GTF3C5: variants seen among roughly 807,000 people sequenced by gnomAD.
GTF3C5 encodes the protein general transcription factor 3C polypeptide 5.
In GTF3C5, 47 loss-of-function variants were observed where a neutral mutation model predicts 61.0. The ratio of observed to expected loss-of-function variants is 0.77; its 90% CI spans 0.61 to 0.98. The LOEUF is 0.98. GTF3C5 is among the 50% of genes least tolerant of loss of function. The pLI is 0.00. For synonymous variants in GTF3C5, 295 were observed against 275.4 expected (o/e 1.07, Z -0.71); for missense variants, 659 against 703.3 (o/e 0.94, Z 0.71).
At position 133,031,586 on chromosome 9, in the gene GTF3C5, T is replaced by C. The variant is rs1375829192; in HGVS notation, c.153+422T>C. ...AGGCTTGTTGGAAATAAATTTTGGG[T>C]GCCGCAAAGAAGAATCAGCACTCTG... On this transcript the variant is annotated intron_variant, in intron 1 of 10. Transcript: ENST00000372097. Among the ~76,000 whole-genome samples, 3 of 152,186 alleles carry C rather than the reference T, an allele frequency of 2.0e-5. No individual in the cohort carries two copies. In the East Asian group the frequency reaches 5.8e-4, roughly 29 times the overall value.
intron 3 of GTF3C5, among the ~76,000 whole-genome samples, chr9:133,045,083 G>T (rs1588470392): frequency 6.6e-6 from 1 of 152,214 alleles, no homozygotes; most frequent in African/African-American, 2.4e-5. Flanking sequence ...TGACATAAAA[G>T]AATAGGATTT....
chr9:133,043,245 G>T (rs992408691), intron 2 of GTF3C5, among the ~76,000 whole-genome samples: 4 of 152,180 alleles, frequency 2.6e-5, no homozygotes, highest in Admixed American at 6.5e-5. Context: ...TTTCCCAAGT[G>T]ATTCATAAAA....
chr9:133,037,666 A>G (rs949747204), intron 1 of GTF3C5, among the ~76,000 whole-genome samples: 2 of 152,154 alleles, frequency 1.3e-5, no homozygotes, highest in African/African-American at 4.8e-5. Context: ...CCTAACTTTA[A>G]GTCTCTTCCT....
chr9:133,032,509 A>G (rs1336884627), intron 1 of GTF3C5, among the ~76,000 whole-genome samples: 1 of 152,088 alleles, frequency 6.6e-6, no homozygotes, highest in Non-Finnish European at 1.5e-5. Context: ...AACAAGCTGA[A>G]CCTTTGAAGA....
In GTF3C5 at chr9:133,052,128, G is replaced by A. The variant is rs757070334; in HGVS notation, c.837G>A (p.Lys279=). The A allele has an allele frequency of 1.6e-5, 26 of 1,607,056 alleles. No homozygotes were observed. The Admixed American group carries it at 3.7e-4, about 23-fold the overall frequency. The part of the protein sequence containing the change: ...VKANISVHPD[K]LKVLLPFIAY... ...CCAACATCAGCGTCCACCCAGACAA[G>A]CTCAAGGTCTTGCTTCCCTTCATAG... is the stretch of plus-strand genomic sequence containing the variant. The change falls in exon 5 of 11, where the codon AAG becomes AAA. Residue 279 remains lysine, a synonymous_variant. Coordinates refer to ENST00000372097, the MANE Select transcript of GTF3C5 (RefSeq NM_012087.4).
chr9:133,033,788 T>C (rs1849793540), intron 1 of GTF3C5, among the ~76,000 whole-genome samples: 1 of 152,194 alleles, frequency 6.6e-6, no homozygotes, highest in African/African-American at 2.4e-5. Flanking sequence ...GCGGACAGAA[T>C]ATTTAATCCA....
intron 3 of GTF3C5, 28 bp from the exon 4 acceptor site, chr9:133,050,755 T>G: frequency 6.4e-7 from 1 of 1,558,396 alleles, no homozygotes; most frequent in African/African-American, 1.4e-5. Flanking sequence ...TTGGTGCTCC[T>G]GTTCTCACCT....
intron 1 of GTF3C5, among the ~76,000 whole-genome samples, chr9:133,033,362 A>G (rs1849783195): frequency 6.6e-6 from 1 of 152,176 alleles, no homozygotes; most frequent in Non-Finnish European, 1.5e-5. Flanking sequence ...GTACCGCTCC[A>G]GTTACTTGGC....
At chr9:133,031,191 G>C in intron 1 of GTF3C5, 27 bp downstream of exon 1, 3 of 1,532,392 alleles carry the variant, frequency 2.0e-6, no homozygotes, top group Non-Finnish European at 2.6e-6. Flanking sequence ...CTCGGTGTTG[G>C]AATAAGAGCT....
chr9:133,038,857 C>T (rs1343911680), intron 1 of GTF3C5, among the ~76,000 whole-genome samples: 1 of 152,168 alleles, frequency 6.6e-6, no homozygotes, highest in Non-Finnish European at 1.5e-5. Flanking sequence ...TGTTGCACTG[C>T]CGTATCCTCA....
intron 5 of GTF3C5, 135 bp downstream of exon 5, chr9:133,052,299 A>G: frequency 2.4e-6 from 1 of 418,310 alleles, no homozygotes; most frequent in Non-Finnish European, 4.2e-6. Flanking sequence ...CCCCACCCCC[A>G]TCCTGGCCCA....
chr9:133,046,270 G>A (rs577659389), intron 3 of GTF3C5, among the ~76,000 whole-genome samples: 33 of 152,282 alleles, frequency 2.2e-4, no homozygotes, highest in Admixed American at 9.2e-4. Flanking sequence ...TTTTGAGGCT[G>A]CAGTGAATAT....
chr9:133,053,738 A>T, intron 5 of GTF3C5, 90 bp from the exon 6 acceptor site: 2 of 744,448 alleles, frequency 2.7e-6, no homozygotes, highest in East Asian at 2.6e-5. Context: ...CCAGCTCCTG[A>T]GCTCTTCTGC....
chr9:133,055,978 C>A, intron 8 of GTF3C5, 34 bp from the exon 9 acceptor site: 1 of 1,613,738 alleles, frequency 6.2e-7, no homozygotes. Flanking sequence ...GGCTCTGGCT[C>A]ACCTTCCCTG....
intron 10 of GTF3C5, 126 bp downstream of exon 10, chr9:133,057,034 G>C: frequency 1.1e-6 from 1 of 881,724 alleles, no homozygotes. Context: ...CCCTGGCCCT[G>C]GTGGGAGGAG....
intron 1 of GTF3C5, among the ~76,000 whole-genome samples, chr9:133,036,905 C>A (rs1849879385): frequency 6.6e-6 from 1 of 152,074 alleles, no homozygotes. Context: ...TGAAGCTTTC[C>A]CTTTGAAACC....
chr9:133,049,848 C>T (rs73662418), intron 3 of GTF3C5, among the ~76,000 whole-genome samples: 3 of 147,138 alleles, frequency 2.0e-5, no homozygotes, highest in African/African-American at 8.2e-5. Flanking sequence ...CCTATGCCCC[C>T]CAGCCACCCC....
At position 133,058,264 on chromosome 9, in the gene GTF3C5, T is replaced by C; in HGVS notation, c.*284T>C. ...ATCCAGCCAGTGAGTGGGCACCCAA[T>C]GCCTCTCAGGATGAGACCAGTAAAT... On this transcript the variant is annotated 3_prime_UTR_variant, in exon 11 of 11. Transcript: ENST00000372097. The C allele has an allele frequency of 1.3e-6, 1 of 745,230 alleles. No individual in the cohort carries two copies. The highest frequency in any genetic ancestry group is 2.6e-5 in the South Asian group (1 of 38,180). 46.2% of individuals were successfully genotyped at this position (745,230 alleles called of 1,614,324 possible).
At position 133,031,240 on chromosome 9, in the gene GTF3C5, A is replaced by G. The variant is rs1306817897; in HGVS notation, c.153+76A>G. The G allele has an allele frequency of 9.5e-6, 13 of 1,362,844 alleles. No individual in the cohort carries two copies. In the East Asian group the frequency reaches 3.0e-4, roughly 32 times the overall value. The allele number at this position is 1,362,844 out of a possible 1,614,324, so 84.4% of individuals were successfully genotyped here. On this transcript the variant is annotated intron_variant, in intron 1 of 10. Coordinates refer to ENST00000372097, the MANE Select transcript of GTF3C5 (RefSeq NM_012087.4). Reference sequence around the variant, plus strand: ...AAAACGAGCACTCAAAGGATTTCTCAGCAAGGGAAATTTAGCAAATTTACT... The same window carrying G: ...AAAACGAGCACTCAAAGGATTTCTCGGCAAGGGAAATTTAGCAAATTTACT...
Sources: allele counts gnomAD v4.1 joint callset (sites outside exome capture counted in the v4.1 genomes callset), GRCh38; gene constraint gnomAD v4.1.1; transcripts MANE v1.5; gene names NCBI Gene and HGNC (gene_info 2026-07-23, HGNC 2026-07-21).